The following CMTM8 variants were observed in gnomAD, a reference collection of about 807,000 sequenced individuals.
CMTM8 encodes the protein CKLF like MARVEL transmembrane domain containing 8, also known as CKLF-like MARVEL transmembrane domain-containing protein 8.
CMTM8 carries 12 observed loss-of-function variants against 18.6 expected under a neutral mutation model. The observed-to-expected ratio is 0.65, with a 90% confidence interval of 0.41 to 1.05. The LOEUF (loss-of-function observed/expected upper bound fraction) is 1.05, where lower values mean the gene tolerates loss of function less well. Ranked by LOEUF, CMTM8 falls within the 50% of genes least tolerant of loss-of-function variation. The pLI is 0.00. For synonymous variants in CMTM8, 87 were observed against 90.6 expected (o/e 0.96, Z 0.23); for missense variants, 217 against 227.2 (o/e 0.95, Z 0.29).
intron 1 of CMTM8, among the ~76,000 whole-genome samples, chr3:32,266,204 A>C (rs150713864): frequency 0.037 from 5,586 of 152,352 alleles, 210 homozygotes; most frequent in South Asian, 0.2. Context: ...AAAAATCCTC[A>C]ATAAAATACT....
At position 32,370,297 on chromosome 3, in the gene CMTM8, T is replaced by C. The variant is rs980604740; in HGVS notation, c.*330T>C. 3 of 162,286 alleles carry C rather than the reference T, an allele frequency of 1.8e-5. No individual in the cohort carries two copies. The highest frequency in any genetic ancestry group is 4.0e-5 in the Non-Finnish European group (3 of 74,280). 10.1% of individuals were successfully genotyped at this position (162,286 alleles called of 1,614,324 possible). A position where few individuals can be genotyped will look rare whatever the true frequency, so the allele number is the denominator to read the frequency against. On this transcript the variant is annotated 3_prime_UTR_variant, in exon 4 of 4. Coordinates refer to ENST00000307526, the MANE Select transcript of CMTM8 (RefSeq NM_178868.5). ...AACTTTTAAGATGCCAGATTCTTTT[T>C]TGATTAAATGTTGCAAAATCCCAAG...
At chr3:32,349,065 C>T (rs1252008130) in intron 1 of CMTM8, among the ~76,000 whole-genome samples, 1 of 152,010 alleles carries the variant, frequency 6.6e-6, no homozygotes, top group African/African-American at 2.4e-5. Context: ...CTCTAAGATA[C>T]TGATGATTTT....
intron 1 of CMTM8, among the ~76,000 whole-genome samples, chr3:32,342,702 A>G (rs1696522385): frequency 6.6e-6 from 1 of 152,238 alleles, no homozygotes; most frequent in South Asian, 2.1e-4. Context: ...GGCTCCACAC[A>G]AGTGTAAAAA....
At chr3:32,316,916 A>G (rs1158019599) in intron 1 of CMTM8, among the ~76,000 whole-genome samples, 3 of 152,358 alleles carry the variant, frequency 2.0e-5, no homozygotes, top group East Asian at 1.9e-4. Context: ...TTGTTTTTGC[A>G]TATAATTTAC....
rs1196683971 is a variant in CMTM8 at position 32,238,864 on chromosome 3, G to A, written c.-109G>A. On this transcript the variant is annotated 5_prime_UTR_variant, in exon 1 of 4. Coordinates refer to ENST00000307526, the MANE Select transcript of CMTM8 (RefSeq NM_178868.5). ...CCCCTCGCACCTCCTGCCCCGCGCGGGCCGCGCTCCCCTCCCCCGCGCCTG... is the reference window on the plus strand; with the variant it reads ...CCCCTCGCACCTCCTGCCCCGCGCGAGCCGCGCTCCCCTCCCCCGCGCCTG... 3.7e-6 allele frequency: 4 copies of A among 1,067,126 alleles called. No homozygotes were observed. Among genetic ancestry groups the A allele is most frequent in the Non-Finnish European group, 3.7e-6 (3 of 820,508 alleles). The allele number at this position is 1,067,126 out of a possible 1,614,324, so 66.1% of individuals were successfully genotyped here.
At chr3:32,315,486 G>A (rs939240398) in intron 1 of CMTM8, among the ~76,000 whole-genome samples, 5 of 152,136 alleles carry the variant, frequency 3.3e-5, no homozygotes, top group East Asian at 1.9e-4. Flanking sequence ...ACCACAAAAC[G>A]GGGCAGGATG....
In CMTM8 at chr3:32,343,685, T is replaced by A. The variant is rs753662632; in HGVS notation, c.148-13688T>A. Reference sequence around the variant, plus strand: ...CCATCGTTGCACTGCCATTGAGACCTCAGGTGGTTTGTTTTTGTTTTTGTT... The same window carrying A: ...CCATCGTTGCACTGCCATTGAGACCACAGGTGGTTTGTTTTTGTTTTTGTT... On this transcript the variant is annotated intron_variant, in intron 1 of 3. Transcript: ENST00000307526. 2.2e-4 allele frequency among the ~76,000 whole-genome samples: 33 copies of A among 152,018 alleles called. No individual in the cohort carries two copies. In the East Asian group the frequency reaches 3.3e-3, roughly 15 times the overall value.
At chr3:32,281,507 A>G (rs1340393355) in intron 1 of CMTM8, among the ~76,000 whole-genome samples, 3 of 152,212 alleles carry the variant, frequency 2.0e-5, no homozygotes, top group African/African-American at 7.2e-5. Flanking sequence ...CCTGGAGATA[A>G]TATGCTGTGA....
intron 1 of CMTM8, among the ~76,000 whole-genome samples, chr3:32,244,628 G>T (rs771293362): frequency 6.6e-6 from 1 of 151,956 alleles, no homozygotes; most frequent in Non-Finnish European, 1.5e-5. Context: ...ACTATGCCGT[G>T]AACATTTTTC....
intron 1 of CMTM8, among the ~76,000 whole-genome samples, chr3:32,263,105 C>T (rs958077583): frequency 8.6e-5 from 13 of 151,788 alleles, no homozygotes; most frequent in South Asian, 2.1e-4. Flanking sequence ...AAGACAGTAG[C>T]GGTTCTCTCA....
rs1696393601 is a variant in CMTM8 at position 32,336,707 on chromosome 3, G to A, written c.148-20666G>A. Among the ~76,000 whole-genome samples the A allele has an allele frequency of 2.6e-5, 4 of 152,272 alleles. No homozygotes were observed. The South Asian group carries it at 8.3e-4, about 32-fold the overall frequency. ...AGGAGCTGTTTTTATAGGGACTCTTGCCTCTTCCTCACTACTCTCTCATCC... is the reference window on the plus strand; with the variant it reads ...AGGAGCTGTTTTTATAGGGACTCTTACCTCTTCCTCACTACTCTCTCATCC... On this transcript the variant is annotated intron_variant, in intron 1 of 3. Coordinates refer to ENST00000307526, the MANE Select transcript of CMTM8 (RefSeq NM_178868.5).
intron 1 of CMTM8, among the ~76,000 whole-genome samples, chr3:32,279,901 G>T (rs1381762125): frequency 6.7e-6 from 1 of 149,382 alleles, no homozygotes; most frequent in Non-Finnish European, 1.5e-5. Flanking sequence ...TCTCATAGTG[G>T]TTTTGATTTG....
intron 1 of CMTM8, chr3:32,259,614 C>G (rs4245883): frequency 5.4e-6 from 7 of 1,292,962 alleles, no homozygotes; most frequent in Non-Finnish European, 4.5e-6. Flanking sequence ...GGCCTACAAG[C>G]CCAGATTGCC....
At chr3:32,329,702 G>C (rs1310874916) in intron 1 of CMTM8, among the ~76,000 whole-genome samples, 1 of 152,118 alleles carries the variant, frequency 6.6e-6, no homozygotes, top group East Asian at 1.9e-4. Flanking sequence ...CTAAGACTAG[G>C]AATAGGGCAA....
chr3:32,319,076 T>TATATATATA (rs1275408606), intron 1 of CMTM8, among the ~76,000 whole-genome samples: 3 of 19,670 alleles, frequency 1.5e-4, no homozygotes, highest in Non-Finnish European at 2.6e-4. Context: ...ATATATATAT[T>TATATATATA]TTTTTTTTTT....
intron 2 of CMTM8, among the ~76,000 whole-genome samples, chr3:32,361,286 G>GTTTTTTTTTTGTTTTTTTTGTTT: frequency 1.1e-5 from 1 of 87,268 alleles, no homozygotes; most frequent in Admixed American, 1.2e-4. Context: ...CAGCCTAAGA[G>GTTTTTTTTTTGTTTTTTTTGTTT]TTTTTTTTTC....
intron 1 of CMTM8, among the ~76,000 whole-genome samples, chr3:32,256,483 C>T (rs925425325): frequency 1.2e-4 from 18 of 152,272 alleles, no homozygotes; most frequent in African/African-American, 4.1e-4. Flanking sequence ...CCACAGACTT[C>T]GTTACAGCAG....
intron 1 of CMTM8, among the ~76,000 whole-genome samples, chr3:32,307,187 A>G (rs538232582): frequency 2.6e-5 from 4 of 152,254 alleles, no homozygotes; most frequent in Admixed American, 6.5e-5. Context: ...TAAAAATACA[A>G]AAATTAGCTG....
intron 1 of CMTM8, among the ~76,000 whole-genome samples, chr3:32,298,887 A>G (rs1189163469): frequency 8.9e-5 from 13 of 146,302 alleles, no homozygotes; most frequent in Non-Finnish European, 1.9e-4. Flanking sequence ...ACATACATAT[A>G]TATACACACA....
Sources: allele counts gnomAD v4.1 joint callset (sites outside exome capture counted in the v4.1 genomes callset), GRCh38; gene constraint gnomAD v4.1.1; transcripts MANE v1.5; gene names NCBI Gene and HGNC (gene_info 2026-07-23, HGNC 2026-07-21).